The following RGS6 variants were observed in gnomAD, a reference collection of about 807,000 sequenced individuals.
The protein encoded by RGS6 is regulator of G protein signaling 6, also known as regulator of G-protein signaling 6.
A neutral mutation model predicts 78.5 loss-of-function variants in RGS6; 30 were observed. That is an observed-to-expected ratio of 0.38 (90% CI 0.29 to 0.52). The LOEUF is 0.52. Among genes scored for constraint, RGS6 ranks in the 20% least tolerant of loss-of-function variants. The probability of loss-of-function intolerance (pLI) is 0.85; values close to 1 mark genes in which losing one functional copy is unlikely to be tolerated. For synonymous variants in RGS6, 206 were observed against 206.0 expected, an observed-to-expected ratio of 1.00 and a Z score of 0.00; for missense variants, 495 against 609.7, an observed-to-expected ratio of 0.81 and a Z score of 1.98.
At chr14:71,922,997 C>T in the RGS6 span, among the ~76,000 whole-genome samples, 24 of 152,284 alleles carry the variant, frequency 1.6e-4, no homozygotes, top group African/African-American at 4.8e-4. Context: ...AGTTCCTGAT[C>T]CCAGAATCAG....
intron 3 of RGS6, among the ~76,000 whole-genome samples, chr14:72,418,030 C>T (rs1226764161): frequency 6.6e-6 from 1 of 152,126 alleles, no homozygotes; most frequent in Non-Finnish European, 1.5e-5. Context: ...CATCATTCTC[C>T]CACCTTTCCT....
chr14:72,183,810 A>T (rs2153703482), intron 2 of RGS6, among the ~76,000 whole-genome samples: 1 of 152,324 alleles, frequency 6.6e-6, no homozygotes, highest in Non-Finnish European at 1.5e-5. Context: ...AGCTGCCTCT[A>T]TGTGGCCATA....
chr14:71,901,594 C>G, the RGS6 span, among the ~76,000 whole-genome samples: 126,375 of 152,122 alleles, frequency 0.83, 52,693 homozygotes, highest in African/African-American at 0.85. Flanking sequence ...ATACTCAGTT[C>G]AGATGCCAAA....
chr14:72,041,664 G>C (rs1364617820), intron 2 of RGS6, among the ~76,000 whole-genome samples: 2 of 152,146 alleles, frequency 1.3e-5, no homozygotes, highest in Non-Finnish European at 2.9e-5. Flanking sequence ...AAAATAAAAT[G>C]ACTTTTCCTA....
chr14:71,954,444 T>A (rs1212707250), intron 1 of RGS6, among the ~76,000 whole-genome samples: 1 of 152,138 alleles, frequency 6.6e-6, no homozygotes, highest in Admixed American at 6.6e-5. Context: ...TTTCTTAAAT[T>A]TTTAATTTTT....
At chr14:72,410,249 T>C (rs997402500) in intron 3 of RGS6, among the ~76,000 whole-genome samples, 1 of 152,200 alleles carries the variant, frequency 6.6e-6, no homozygotes, top group Non-Finnish European at 1.5e-5. Context: ...TTTTAATGAT[T>C]GCCATTCTAA....
chr14:72,415,431 C>T (rs777824202), intron 3 of RGS6, among the ~76,000 whole-genome samples: 2 of 152,216 alleles, frequency 1.3e-5, no homozygotes, highest in Non-Finnish European at 2.9e-5. Flanking sequence ...TTCTGGGTTC[C>T]GTCTGTCACC....
intron 1 of RGS6, among the ~76,000 whole-genome samples, chr14:71,954,843 A>G (rs1284294828): frequency 6.6e-6 from 1 of 152,194 alleles, no homozygotes; most frequent in African/African-American, 2.4e-5. Context: ...AACATTTTTC[A>G]TCATAGTTAT....
At chr14:72,553,046 GCACATGTGCACAGGTGTATA>G (rs1348041773) in intron 17 of RGS6, among the ~76,000 whole-genome samples, 4 of 152,180 alleles carry the variant, frequency 2.6e-5, no homozygotes, top group Admixed American at 1.3e-4. Context: ...ACTGGTGTAT[GCACATGTGCACAGGTGTATA>G]CACAGGTGCA....
In RGS6 at chr14:72,082,743, C is replaced by T. The variant is rs545615945; in HGVS notation, c.84+117868C>T. Among the ~76,000 whole-genome samples, 135 of 151,834 alleles carry T rather than the reference C, an allele frequency of 8.9e-4. 1 individual carries two copies. Among genetic ancestry groups the T allele is most frequent in the African/African-American group, 2.6e-3 (107 of 41,384 alleles). ...AATTCGCAAATGATGGGAAAAAAAC[C>T]GGAAGTTCTTGGGGGAAATAAGCAT... On this transcript the variant is annotated intron_variant, in intron 2 of 17. Coordinates refer to ENST00000553525, the MANE Select transcript of RGS6 (RefSeq NM_001204424.2).
intron 15 of RGS6, among the ~76,000 whole-genome samples, chr14:72,525,854 C>T (rs2153475673): frequency 6.6e-6 from 1 of 152,230 alleles, no homozygotes; most frequent in African/African-American, 2.4e-5. Context: ...CTGGGGGTTG[C>T]TCATTTTATC....
intron 2 of RGS6, among the ~76,000 whole-genome samples, chr14:72,006,451 C>A (rs994870351): frequency 6.6e-6 from 1 of 152,172 alleles, no homozygotes; most frequent in Middle Eastern, 3.2e-3. Flanking sequence ...TGGGCTGTTT[C>A]TCTTGGCCCA....
intron 2 of RGS6, among the ~76,000 whole-genome samples, chr14:72,121,193 A>G (rs576937537): frequency 6.6e-5 from 10 of 152,156 alleles, no homozygotes; most frequent in Non-Finnish European, 1.2e-4. Context: ...GTGAAGTATT[A>G]ACTTGACGAC....
chr14:72,351,447 C>A (rs539741781), intron 2 of RGS6, among the ~76,000 whole-genome samples: 99 of 152,136 alleles, frequency 6.5e-4, no homozygotes, highest in Non-Finnish European at 1.1e-3. Flanking sequence ...ATAGCATGGT[C>A]TTACCAAAAG....
chr14:72,242,839 CTTTTTTTTTTTTT>C (rs35675211), intron 2 of RGS6, among the ~76,000 whole-genome samples: 2 of 69,134 alleles, frequency 2.9e-5, no homozygotes, highest in East Asian at 5.3e-4. Context: ...CATTTCTTTT[CTTTTTTTTTTTTT>C]TTTTTTTTTT....
In RGS6 at chr14:72,441,023, C is replaced by T. The variant is rs991146850; in HGVS notation, c.185-13505C>T. The stretch of plus-strand genomic sequence containing the variant: ...AGTTAGTGTGAGTGTTGCCTGCATG[C>T]GAGTTGGGTGTCTGTTGCATCTATG... On this transcript the variant is annotated intron_variant, in intron 3 of 17. Coordinates refer to ENST00000553525, the MANE Select transcript of RGS6 (RefSeq NM_001204424.2). Among the ~76,000 whole-genome samples the T allele has an allele frequency of 3.9e-5, 6 of 152,124 alleles. No individual in the cohort carries two copies. The South Asian group carries it at 8.3e-4, about 21-fold the overall frequency.
chr14:71,869,892 T>C, the RGS6 span, among the ~76,000 whole-genome samples: 1 of 152,208 alleles, frequency 6.6e-6, no homozygotes, highest in Non-Finnish European at 1.5e-5. Flanking sequence ...TTTTACTCTC[T>C]TGCCCTCTCT....
the RGS6 span, among the ~76,000 whole-genome samples, chr14:72,586,358 A>G: frequency 1.3e-5 from 2 of 152,112 alleles, no homozygotes; most frequent in Non-Finnish European, 2.9e-5. Context: ...GTTCTTGAGA[A>G]AACTGGTTGC....
At chr14:72,340,511 C>G (rs2076798003) in intron 2 of RGS6, among the ~76,000 whole-genome samples, 1 of 152,114 alleles carries the variant, frequency 6.6e-6, no homozygotes, top group Non-Finnish European at 1.5e-5. Flanking sequence ...AGACAAGGGC[C>G]CTAGGGTGCA....
Sources: allele counts gnomAD v4.1 joint callset (sites outside exome capture counted in the v4.1 genomes callset), GRCh38; gene constraint gnomAD v4.1.1; transcripts MANE v1.5; gene names NCBI Gene and HGNC (gene_info 2026-07-23, HGNC 2026-07-21).